CCDC171: variants seen among roughly 807,000 people sequenced by gnomAD.
The protein encoded by CCDC171 is coiled-coil domain-containing protein 171.
CCDC171 carries 177 observed loss-of-function variants against 168.2 expected under a neutral mutation model. That is an observed-to-expected ratio of 1.05 (90% CI 0.93 to 1.19). The LOEUF (loss-of-function observed/expected upper bound fraction) is 1.19, where lower values mean the gene tolerates loss of function less well. Among genes scored for constraint, CCDC171 ranks in the 50% most tolerant of loss-of-function variants. The probability of loss-of-function intolerance (pLI) is 0.00; values close to 1 mark genes in which losing one functional copy is unlikely to be tolerated. For synonymous variants in CCDC171, 687 were observed against 540.8 expected, an observed-to-expected ratio of 1.27 and a Z score of -3.75; for missense variants, 1,991 against 1,539.0, an observed-to-expected ratio of 1.29 and a Z score of -4.91.
intron 10 of CCDC171, among the ~76,000 whole-genome samples, chr9:15,682,479 A>G (rs2050106494): frequency 6.6e-6 from 1 of 152,058 alleles, no homozygotes; most frequent in Non-Finnish European, 1.5e-5. Flanking sequence ...ATTGACACAA[A>G]ATAATTGTAT....
At chr9:15,797,675 T>C (rs1171663327) in intron 21 of CCDC171, among the ~76,000 whole-genome samples, 1 of 152,148 alleles carries the variant, frequency 6.6e-6, no homozygotes, top group Non-Finnish European at 1.5e-5. Context: ...CAAATAAAAA[T>C]TTTACATTTT....
chr9:16,060,650 AAAGG>A (rs1301101242), exon 2 of CCDC171: 17 of 152,256 alleles, frequency 1.1e-4, no homozygotes, highest in Non-Finnish European at 2.2e-4. Context: ...TTTCAGATGA[AAAGG>A]AAGGGAAAAG....
chr9:15,625,833 GT>G (rs1475109226), intron 7 of CCDC171, among the ~76,000 whole-genome samples: 3 of 152,100 alleles, frequency 2.0e-5, no homozygotes, highest in African/African-American at 7.2e-5. Flanking sequence ...ATTTAAAGTA[GT>G]TTTTTTCCAA....
intron 25 of CCDC171, chr9:15,922,063 C>G (rs1825397255): frequency 4.1e-6 from 1 of 244,332 alleles, no homozygotes; most frequent in Non-Finnish European, 9.5e-6. Flanking sequence ...CACAATCATA[C>G]CAAAACTCTA....
At chr9:15,607,310 C>T (rs1266306100) in intron 6 of CCDC171, among the ~76,000 whole-genome samples, 2 of 152,172 alleles carry the variant, frequency 1.3e-5, no homozygotes, top group South Asian at 2.1e-4. Flanking sequence ...CCTGCCACAA[C>T]TTCAGCCCCA....
chr9:15,718,630 C>A (rs1250746782), intron 11 of CCDC171, among the ~76,000 whole-genome samples: 1 of 152,052 alleles, frequency 6.6e-6, no homozygotes, highest in Non-Finnish European at 1.5e-5. Flanking sequence ...CACAGAGAGA[C>A]TCTGTTTGGG....
At chr9:15,557,726 T>C (rs1408811319) in intron 1 of CCDC171, among the ~76,000 whole-genome samples, 2 of 152,106 alleles carry the variant, frequency 1.3e-5, no homozygotes, top group African/African-American at 4.8e-5. Flanking sequence ...GAATACCCTT[T>C]ATTTCTTTCT....
chr9:15,570,516 G>A (rs1363160904), intron 2 of CCDC171, among the ~76,000 whole-genome samples: 1 of 152,032 alleles, frequency 6.6e-6, no homozygotes, highest in South Asian at 2.1e-4. Flanking sequence ...GTGATTGTTG[G>A]CTGTCTGCTT....
At chr9:15,600,921 A>G (rs1430650427) in intron 6 of CCDC171, among the ~76,000 whole-genome samples, 1 of 152,104 alleles carries the variant, frequency 6.6e-6, no homozygotes, top group Non-Finnish European at 1.5e-5. Flanking sequence ...CCATGGGTGT[A>G]GGACCCTCCG....
In CCDC171 at chr9:16,035,678, T is replaced by C. The variant is rs919509674; in HGVS notation, n.1067+153T>C. On this transcript the variant is annotated intron_variant and non_coding_transcript_variant, in intron 7 of 9. Transcript: ENST00000486641. ...TTACCTTTCTGTGAGCATGGCTTTA[T>C]AGCTTTCTGGCTCTCTGAACATTTT... 5.3e-5 allele frequency among the ~76,000 whole-genome samples: 8 copies of C among 152,236 alleles called. No individual in the cohort carries two copies. In the East Asian group the frequency reaches 1.5e-3, roughly 29 times the overall value.
At chr9:15,884,285 G>T (rs74305140) in intron 24 of CCDC171, among the ~76,000 whole-genome samples, 1 of 122,948 alleles carries the variant, frequency 8.1e-6, no homozygotes, top group African/African-American at 2.8e-5. Flanking sequence ...CCTATAACAT[G>T]TATGAAAGAA....
intron 25 of CCDC171, among the ~76,000 whole-genome samples, chr9:15,942,251 T>G (rs913989836): frequency 6.6e-6 from 1 of 151,976 alleles, no homozygotes; most frequent in Non-Finnish European, 1.5e-5. Context: ...TTGCTAAAAA[T>G]TCCATTATAA....
At position 15,745,522 on chromosome 9, in the gene CCDC171, A is replaced by G. The variant is rs1253522916; in HGVS notation, c.2562A>G (p.Gln854=). Residue 854 remains glutamine (Q), a synonymous_variant, in exon 18 of 26, where the codon CAA becomes CAG. Coordinates refer to ENST00000380701, the MANE Select transcript of CCDC171 (RefSeq NM_173550.4). ...ATTTTTTCAATTTTATAGAACATCAAAAGGAGCAGTTGCGTTGTTTACAAG... is the reference window on the plus strand; with the variant it reads ...ATTTTTTCAATTTTATAGAACATCAGAAGGAGCAGTTGCGTTGTTTACAAG... ...PQDKHKFPKH[Q]KEQLRCLQAL... is the part of the protein sequence containing the mutation. 2.6e-6 allele frequency: 4 copies of G among 1,549,878 alleles called. No individual in the cohort carries two copies. The highest frequency in any genetic ancestry group is 3.5e-6 in the Non-Finnish European group (4 of 1,155,374).
chr9:15,650,239 G>T (rs1400388447), intron 7 of CCDC171, among the ~76,000 whole-genome samples: 1 of 152,066 alleles, frequency 6.6e-6, no homozygotes, highest in East Asian at 1.9e-4. Flanking sequence ...TCACACACCG[G>T]GGCCTGTCGT....
chr9:15,810,169 C>G (rs1186268769), intron 21 of CCDC171, among the ~76,000 whole-genome samples: 1 of 151,754 alleles, frequency 6.6e-6, no homozygotes, highest in Non-Finnish European at 1.5e-5. Flanking sequence ...TAGCTAGACA[C>G]AAAGTTCTCC....
At chr9:16,020,992 T>C (rs571934187) in intron 4 of CCDC171, among the ~76,000 whole-genome samples, 1 of 152,364 alleles carries the variant, frequency 6.6e-6, no homozygotes, top group South Asian at 2.1e-4. Flanking sequence ...TTTTACTCAC[T>C]GATGAATAGC....
intron 6 of CCDC171, among the ~76,000 whole-genome samples, chr9:15,595,946 C>T (rs955589799): frequency 5.3e-5 from 8 of 152,154 alleles, no homozygotes; most frequent in African/African-American, 1.9e-4. Flanking sequence ...GAAATGTCTT[C>T]TTTTGAGAAG....
chr9:16,017,287 TA>T (rs1833049921), intron 3 of CCDC171, among the ~76,000 whole-genome samples: 1 of 150,686 alleles, frequency 6.6e-6, no homozygotes, highest in African/African-American at 2.4e-5. Flanking sequence ...GTATTGTCAT[TA>T]TTTTTTTCAA....
intron 25 of CCDC171, among the ~76,000 whole-genome samples, chr9:15,961,685 A>G (rs1830345659): frequency 6.6e-6 from 1 of 152,166 alleles, no homozygotes; most frequent in African/African-American, 2.4e-5. Flanking sequence ...TTGACCACAC[A>G]TTTTAGAGCC....
Sources: gnomAD v4.1 joint callset for allele counts (sites outside exome capture counted in the v4.1 genomes callset) on GRCh38, gnomAD v4.1.1 for gene constraint, MANE v1.5 for transcripts, NCBI Gene and HGNC (gene_info 2026-07-23, HGNC 2026-07-21) for gene names.